The following AMZ1 variants were observed in gnomAD, a reference collection of about 807,000 sequenced individuals.
AMZ1 encodes archaelysin family metallopeptidase 1.
A neutral mutation model predicts 29.9 loss-of-function variants in AMZ1; 39 were observed. The ratio of observed to expected loss-of-function variants is 1.30; its 90% CI spans 1.01 to 1.70. The LOEUF (loss-of-function observed/expected upper bound fraction) is 1.70. Ranked by LOEUF, AMZ1 falls within the 40% of genes most tolerant of loss-of-function variation. The pLI is 0.00. For synonymous variants in AMZ1, 458 were observed against 304.0 expected (o/e 1.51, Z -5.27); for missense variants, 1,041 against 680.6 (o/e 1.53, Z -5.89).
chr7:2,712,239 G>A (rs1001065331), intron 6 of AMZ1, 91 bp from the exon 7 acceptor site: 38 of 1,370,596 alleles, frequency 2.8e-5, no homozygotes, highest in Non-Finnish European at 3.6e-5. Context: ...GAGGACGGTG[G>A]GGTCCCCTTA....
At chr7:2,696,731 C>G (rs191678198) in intron 1 of AMZ1, among the ~76,000 whole-genome samples, 82 of 151,646 alleles carry the variant, frequency 5.4e-4, no homozygotes, top group African/African-American at 2.0e-3. Flanking sequence ...ACTAAAAATA[C>G]AAAAATTAGC....
In AMZ1 at chr7:2,700,244, GC is replaced by G. The variant is rs778303905; in HGVS notation, c.-205del. 4.9e-6 allele frequency: 3 copies of G among 609,248 alleles called. No individual in the cohort carries two copies. The South Asian group carries it at 6.2e-5, about 13-fold the overall frequency. 37.7% of individuals were successfully genotyped at this position (609,248 alleles called of 1,614,324 possible). A position where few individuals can be genotyped will look rare whatever the true frequency, so the allele number is the denominator to read the frequency against. ...TCGTGTCATCCACAGGGTGCTGTGG[GC>G]CCAGAAGCGCCCATGCCTGAGAGCG... On this transcript the variant is annotated 5_prime_UTR_variant, in exon 2 of 7. Transcript: ENST00000683327.
At chr7:2,692,616 A>G (rs760276196) in intron 1 of AMZ1, among the ~76,000 whole-genome samples, 7 of 152,128 alleles carry the variant, frequency 4.6e-5, no homozygotes, top group African/African-American at 9.7e-5. Flanking sequence ...TTCCAGCTTC[A>G]GGGGTTTCCT....
intron 4 of AMZ1, among the ~76,000 whole-genome samples, chr7:2,742,468 G>C (rs753068015): frequency 6.6e-6 from 1 of 152,158 alleles, no homozygotes. Flanking sequence ...CTGTCAACAA[G>C]AGCCCTGCTC....
chr7:2,702,587 C>A, intron 2 of AMZ1, 135 bp from the exon 3 acceptor site: 3 of 1,004,832 alleles, frequency 3.0e-6, no homozygotes, highest in Non-Finnish European at 4.2e-6. Context: ...CTAAGCCTGA[C>A]GCTCTGCTTG....
intron 4 of AMZ1, among the ~76,000 whole-genome samples, chr7:2,750,576 C>G (rs1262763730): frequency 6.6e-6 from 1 of 152,200 alleles, no homozygotes; most frequent in Admixed American, 6.5e-5. Flanking sequence ...TAACAACACA[C>G]TGTAATAAAG....
chr7:2,694,869 C>T (rs1180713171), intron 1 of AMZ1, among the ~76,000 whole-genome samples: 4 of 152,204 alleles, frequency 2.6e-5, no homozygotes, highest in Non-Finnish European at 5.9e-5. Context: ...GACAGGGTTT[C>T]ACCATGTTGG....
At chr7:2,687,650 C>G (rs938643164), upstream of AMZ1, among the ~76,000 whole-genome samples, 1 of 152,224 alleles carries the variant, frequency 6.6e-6, no homozygotes, top group South Asian at 2.1e-4. Flanking sequence ...GGCGCCCGTC[C>G]TCAGGGCCAC....
upstream of AMZ1, chr7:2,762,617 A>G (rs766245190): frequency 3.7e-5 from 58 of 1,551,236 alleles, no homozygotes; most frequent in Admixed American, 2.8e-4. Flanking sequence ...CCCCTTCCGG[A>G]TAAGACCCCA....
intron 1 of AMZ1, among the ~76,000 whole-genome samples, chr7:2,689,107 A>C (rs1204717685): frequency 1.3e-5 from 2 of 152,204 alleles, no homozygotes; most frequent in Non-Finnish European, 2.9e-5. Flanking sequence ...AAACCCCCAA[A>C]ACCATCCGTC....
intron 4 of AMZ1, among the ~76,000 whole-genome samples, chr7:2,746,315 C>T (rs905895766): frequency 1.3e-5 from 2 of 152,298 alleles, no homozygotes; most frequent in East Asian, 1.9e-4. Context: ...GAAATTATAA[C>T]AAACTGTCTC....
At chr7:2,692,366 C>T (rs941667812) in intron 1 of AMZ1, among the ~76,000 whole-genome samples, 1 of 152,044 alleles carries the variant, frequency 6.6e-6, no homozygotes. Flanking sequence ...CGTGAAACCC[C>T]ATCTCTACTA....
rs192243625 is a variant in AMZ1 at position 2,700,378 on chromosome 7, C to T, written c.-74C>T. ...GCCCGAGGGAAGATTCTGGACGAGA[C>T]CGTGGCCGTCCCCCGGGTGGCCCAT... On this transcript the variant is annotated 5_prime_UTR_variant, in exon 2 of 7. Coordinates refer to ENST00000683327, the MANE Select transcript of AMZ1 (RefSeq NM_001384743.1). 1,438 of 1,520,076 alleles carry T rather than the reference C, an allele frequency of 9.5e-4. 17 individuals carry two copies. The African/African-American group carries it at 0.015, about 16-fold the overall frequency. The allele number at this position is 1,520,076 out of a possible 1,614,324, so 94.2% of individuals were successfully genotyped here.
chr7:2,712,403 AG>A lies in AMZ1; in HGVS notation c.1024del (p.Asp342ThrfsTer44). ...GAGGCGGGGGAGCCGTCAGTGTGGGAGGACACCCCGCCTGCCAGCGCCGACT... is the reference window on the plus strand; with the variant it reads ...GAGGCGGGGGAGCCGTCAGTGTGGGAGACACCCCGCCTGCCAGCGCCGACT... ...SQEAGEPSVW[E>X]DTPPASADSG... On this transcript the variant is annotated frameshift_variant, in exon 7 of 7. Coordinates refer to ENST00000683327, the MANE Select transcript of AMZ1 (RefSeq NM_001384743.1). LOFTEE classifies it low-confidence loss of function (END_TRUNC). The A allele has an allele frequency of 6.2e-7, 1 of 1,611,346 alleles. No individual in the cohort carries two copies.
intron 4 of AMZ1, among the ~76,000 whole-genome samples, chr7:2,739,962 T>G (rs1790415826): frequency 6.6e-6 from 1 of 152,170 alleles, no homozygotes; most frequent in South Asian, 2.1e-4. Context: ...TGTGAGTCAC[T>G]GTGCCCGGCA....
chr7:2,728,847 G>A (rs1789740048), intron 4 of AMZ1: 1 of 152,440 alleles, frequency 6.6e-6, no homozygotes, highest in South Asian at 2.1e-4. Context: ...GTCATGAGGA[G>A]GAGGAGGAGG....
intron 4 of AMZ1, chr7:2,730,203 G>C (rs1789816940): frequency 6.6e-6 from 1 of 152,400 alleles, no homozygotes. Context: ...TGAAGCCCCA[G>C]AAGAGGAATG....
In AMZ1 at chr7:2,681,026, T is replaced by C. The variant is rs576300689; in HGVS notation, c.-219+1355T>C. The stretch of plus-strand genomic sequence containing the variant: ...CCAGGTCAGAAACCTTCCAGGACGC[T>C]GAGCACCGACTGTTTGCTTCCCTGC... On this transcript the variant is annotated intron_variant, in intron 1 of 6. Coordinates refer to the AMZ1 transcript ENST00000312371. Among the ~76,000 whole-genome samples the C allele has an allele frequency of 2.6e-5, 4 of 152,354 alleles. No individual in the cohort carries two copies. In the South Asian group the frequency reaches 8.3e-4, roughly 32 times the overall value.
At chr7:2,708,779 G>T (rs1194708590) in intron 4 of AMZ1, 63 bp downstream of exon 4, 2 of 1,605,440 alleles carry the variant, frequency 1.2e-6, no homozygotes, top group Non-Finnish European at 1.7e-6. Flanking sequence ...TGGCCTCCGT[G>T]GCTGCAGGGC....
Sources: gnomAD v4.1 joint callset for allele counts (sites outside exome capture counted in the v4.1 genomes callset) on GRCh38, gnomAD v4.1.1 for gene constraint, MANE v1.5 for transcripts, NCBI Gene and HGNC (gene_info 2026-07-23, HGNC 2026-07-21) for gene names.